TEX9: variants seen among roughly 807,000 people sequenced by gnomAD.
The protein encoded by TEX9 is testis-expressed protein 9.
TEX9 carries 74 observed loss-of-function variants against 59.6 expected under a neutral mutation model. That is an observed-to-expected ratio of 1.24 (90% CI 1.03 to 1.51). TEX9 has a LOEUF of 1.51. Ranked by LOEUF, TEX9 falls within the 40% of genes most tolerant of loss-of-function variation. The probability of loss-of-function intolerance (pLI) is 0.00; values close to 1 mark genes in which losing one functional copy is unlikely to be tolerated. For synonymous variants in TEX9, 186 were observed against 152.2 expected, an observed-to-expected ratio of 1.22 and a Z score of -1.64; for missense variants, 522 against 447.8, an observed-to-expected ratio of 1.17 and a Z score of -1.49.
rs201080493 is a variant in TEX9 at position 56,380,933 on chromosome 15, GTCT to G, written c.184-3014_184-3012del. Among the ~76,000 whole-genome samples, 31 of 152,208 alleles carry G rather than the reference GTCT, an allele frequency of 2.0e-4. No individual in the cohort carries two copies. The East Asian group carries it at 5.0e-3, about 25-fold the overall frequency. ...GGTTAAATCTGCTTGGTGTTCTATA[GTCT>G]TCTTTTACTTGAACATTGATAACTT... is the stretch of plus-strand genomic sequence containing the variant. On this transcript the variant is annotated intron_variant, in intron 3 of 12. Transcript: ENST00000352903.
Position 56,413,415 on chromosome 15 carries a change from A to G in TEX9, c.963+979A>G, listed in dbSNP as rs573001473. Among the ~76,000 whole-genome samples the G allele has an allele frequency of 2.5e-3, 376 of 151,270 alleles. 3 individuals carry two copies. The highest frequency in any genetic ancestry group is 4.3e-3 in the Non-Finnish European group (293 of 67,750). On this transcript the variant is annotated intron_variant, in intron 10 of 12. Transcript: ENST00000352903. ...AATTTTAATTGTGGTAAGCTAACAC[A>G]TAAGATTTACCTTCTTAAACATTTT...
In TEX9 at chr15:56,445,137, T is replaced by G. The variant is rs563369788; in HGVS notation, c.*30-534T>G. Among the ~76,000 whole-genome samples, 3 of 152,158 alleles carry G rather than the reference T, an allele frequency of 2.0e-5. No homozygotes were observed. The South Asian group carries it at 6.2e-4, about 32-fold the overall frequency. The stretch of plus-strand genomic sequence containing the variant: ...AATGGCTTTGAGCAGCTCTTAAGTT[T>G]CTCCTAGCCTAAACTTTCTTTCCTG... On this transcript the variant is annotated intron_variant, in intron 12 of 12. Transcript: ENST00000352903.
At chr15:56,363,674 T>A (rs1376905379), upstream of TEX9, among the ~76,000 whole-genome samples, 2 of 149,190 alleles carry the variant, frequency 1.3e-5, no homozygotes, top group Non-Finnish European at 3.0e-5. Context: ...TTGTTTTTCT[T>A]TTTTTTTTTG....
At chr15:56,386,621 A>G (rs1044987451) in intron 4 of TEX9, among the ~76,000 whole-genome samples, 72 of 152,000 alleles carry the variant, frequency 4.7e-4, no homozygotes, top group Non-Finnish European at 4.3e-4. Flanking sequence ...TACATATACC[A>G]TGAAACCACT....
At chr15:56,456,110 GATT>G in the TEX9 span, among the ~76,000 whole-genome samples, 2 of 152,096 alleles carry the variant, frequency 1.3e-5, no homozygotes, top group African/African-American at 4.8e-5. Flanking sequence ...TTTCTCTTAA[GATT>G]AGGAATTCAT....
rs1321989421 is a variant in TEX9 at position 56,433,455 on chromosome 15, A to C, written c.*29+4982A>C. Among the ~76,000 whole-genome samples, 5 of 152,282 alleles carry C rather than the reference A, an allele frequency of 3.3e-5. No homozygotes were observed. In the East Asian group the frequency reaches 7.7e-4, roughly 23 times the overall value. ...AAAATAATTAAAAAGATGGAATGAC[A>C]GTATTATTTATTAGGGGTAGCCTTA... On this transcript the variant is annotated intron_variant, in intron 12 of 12. Coordinates refer to ENST00000352903, the Ensembl canonical transcript of TEX9.
intron 1 of TEX9, among the ~76,000 whole-genome samples, chr15:56,255,366 G>A (rs902082351): frequency 6.6e-6 from 1 of 151,940 alleles, no homozygotes; most frequent in Non-Finnish European, 1.5e-5. Flanking sequence ...CTTTTATATA[G>A]CTGTGTGTAT....
At chr15:56,282,093 C>A (rs1567072370) in intron 1 of TEX9, among the ~76,000 whole-genome samples, 2 of 151,994 alleles carry the variant, frequency 1.3e-5, no homozygotes, top group Non-Finnish European at 2.9e-5. Flanking sequence ...AACTTCTAAA[C>A]AAAATGTGAG....
chr15:56,437,591 A>G (rs2050749386), intron 12 of TEX9, among the ~76,000 whole-genome samples: 1 of 152,210 alleles, frequency 6.6e-6, no homozygotes, highest in East Asian at 1.9e-4. Context: ...CTCCTATTCA[A>G]CATAGTGTTG....
chr15:56,272,821 A>G (rs1218164116), intron 1 of TEX9, among the ~76,000 whole-genome samples: 1 of 152,146 alleles, frequency 6.6e-6, no homozygotes, highest in Non-Finnish European at 1.5e-5. Context: ...GTCAGATTTA[A>G]ATCTATCATC....
At chr15:56,258,032 A>AT (rs1555429181) in intron 1 of TEX9, among the ~76,000 whole-genome samples, 1 of 151,858 alleles carries the variant, frequency 6.6e-6, no homozygotes, top group Non-Finnish European at 1.5e-5. Flanking sequence ...CCAGCACCAC[A>AT]TATTAAATAG....
At chr15:56,321,843 T>C (rs2039626748) in intron 1 of TEX9, among the ~76,000 whole-genome samples, 1 of 152,100 alleles carries the variant, frequency 6.6e-6, no homozygotes, top group Admixed American at 6.6e-5. Flanking sequence ...CCTCAAATAA[T>C]GGTTAGAGTA....
At chr15:56,416,445 C>G (rs1486326622) in intron 10 of TEX9, among the ~76,000 whole-genome samples, 1 of 151,758 alleles carries the variant, frequency 6.6e-6, no homozygotes, top group Non-Finnish European at 1.5e-5. Flanking sequence ...TTATTGAAAG[C>G]CTGTTCTGCA....
intron 1 of TEX9, among the ~76,000 whole-genome samples, chr15:56,322,524 C>G (rs141701896): frequency 6.6e-6 from 1 of 152,228 alleles, no homozygotes; most frequent in East Asian, 1.9e-4. Flanking sequence ...AAATGATATA[C>G]TTAATATTAC....
chr15:56,362,945 A>G (rs1468837867), upstream of TEX9, among the ~76,000 whole-genome samples: 1 of 152,236 alleles, frequency 6.6e-6, no homozygotes, highest in Non-Finnish European at 1.5e-5. Context: ...CTCATTTCTG[A>G]ATAATATTCC....
chr15:56,323,156 CAT>C (rs1177569494), intron 1 of TEX9: 1 of 217,456 alleles, frequency 4.6e-6, no homozygotes, highest in Non-Finnish European at 9.8e-6. Context: ...AAAATGTCCT[CAT>C]ATGCATTCTT....
intron 1 of TEX9, among the ~76,000 whole-genome samples, chr15:56,358,748 C>A (rs1402172): frequency 0.032 from 4,805 of 152,222 alleles, 189 homozygotes; most frequent in East Asian, 0.096. Flanking sequence ...ATAATCCCCA[C>A]GTGTTAAGAG....
exon 4 of TEX9, chr15:56,384,009 G>A (rs1427238852): frequency 1.2e-6 from 2 of 1,612,694 alleles, no homozygotes; most frequent in Non-Finnish European, 1.7e-6. Context: ...ATCATGTGAT[G>A]ACGAAGATGA....
rs1272710078 is a variant in TEX9 at position 56,346,344 on chromosome 15, G to A, written c.-106-27097G>A. 7.2e-5 allele frequency among the ~76,000 whole-genome samples: 11 copies of A among 152,274 alleles called. 1 individual carries two copies. The highest frequency in any genetic ancestry group is 3.9e-4 in the Admixed American group (6 of 15,286). Reference sequence around the variant, plus strand: ...TATGAGTTTGCCAGAATAAAGCTGTGTCTGAGCTAAGATGGGTGTCTGGCT... The same window carrying A: ...TATGAGTTTGCCAGAATAAAGCTGTATCTGAGCTAAGATGGGTGTCTGGCT... On this transcript the variant is annotated intron_variant, in intron 1 of 5. Coordinates refer to the TEX9 transcript ENST00000560827.
Sources: allele counts gnomAD v4.1 joint callset (sites outside exome capture counted in the v4.1 genomes callset), GRCh38; gene constraint gnomAD v4.1.1; transcripts MANE v1.5; gene names NCBI Gene and HGNC (gene_info 2026-07-23, HGNC 2026-07-21).